Variants in ASAP2 observed in about 807,000 individuals in gnomAD.
ASAP2 encodes the protein ArfGAP with SH3 domain, ankyrin repeat and PH domain 2, also known as arf-GAP with SH3 domain, ANK repeat and PH domain-containing protein 2.
A neutral mutation model predicts 131.4 loss-of-function variants in ASAP2; 45 were observed. The observed-to-expected ratio is 0.34, with a 90% confidence interval of 0.27 to 0.44. The LOEUF is 0.44. Among genes scored for constraint, ASAP2 ranks in the 20% least tolerant of loss-of-function variants. The pLI, the probability that ASAP2 is intolerant of heterozygous loss-of-function variation, is 1.00. For missense variants in ASAP2, 1,011 were observed against 1,297.0 expected, an observed-to-expected ratio of 0.78 and a Z score of 3.39; for synonymous variants, 510 against 503.0, an observed-to-expected ratio of 1.01 and a Z score of -0.19.
chr2:9,209,719 G>A (rs955160477), intron 1 of ASAP2, among the ~76,000 whole-genome samples: 1 of 152,184 alleles, frequency 6.6e-6, no homozygotes, highest in African/African-American at 2.4e-5. Flanking sequence ...ACAGGCATGC[G>A]CCACCATGCA....
chr2:9,382,635 A>G (rs1040395083), intron 20 of ASAP2, among the ~76,000 whole-genome samples: 49 of 152,340 alleles, frequency 3.2e-4, no homozygotes, highest in African/African-American at 1.2e-3. Context: ...GCTTTCTCCC[A>G]TATGGAGTAT....
chr2:9,334,723 T>C lies in ASAP2; in HGVS notation c.687-15T>C. 2.5e-6 allele frequency: 4 copies of C among 1,609,260 alleles called. No individual in the cohort carries two copies. Among genetic ancestry groups the C allele is most frequent in the Non-Finnish European group, 3.4e-6 (4 of 1,177,444 alleles). On this transcript the variant is annotated splice_polypyrimidine_tract_variant and intron_variant, in intron 7 of 27. Coordinates refer to ENST00000281419, the MANE Select transcript of ASAP2 (RefSeq NM_003887.3). ...TTTGTGAAATGTCATCTCTGTTTCTTCTTTTTCCTGCTAGTTTTTTTCAGG... is the reference window on the plus strand; with the variant it reads ...TTTGTGAAATGTCATCTCTGTTTCTCCTTTTTCCTGCTAGTTTTTTTCAGG...
At position 9,387,075 on chromosome 2, in the gene ASAP2, G is replaced by C. The variant is rs561946628; in HGVS notation, c.2131-1219G>C. 1.3e-4 allele frequency among the ~76,000 whole-genome samples: 13 copies of C among 99,736 alleles called. No individual in the cohort carries two copies. The South Asian group carries it at 2.8e-3, about 21-fold the overall frequency. The allele number at this position is 99,736 out of a possible 152,430, so 65.4% of individuals were successfully genotyped here. ...AAAAAAATTAGCCGGGCTTGGTGGT[G>C]GGTGGGGGGGCGCCTGTAGTCCCAG... On this transcript the variant is annotated intron_variant, in intron 21 of 27. Transcript: ENST00000281419.
intron 14 of ASAP2, 64 bp from the exon 15 acceptor site, chr2:9,358,692 A>G: frequency 6.4e-7 from 1 of 1,559,440 alleles, no homozygotes; most frequent in East Asian, 2.3e-5. Context: ...ATGCAGGAAG[A>G]AAGATGTGAC....
chr2:9,401,463 A>T (rs1676663004), intron 27 of ASAP2, 67 bp downstream of exon 27: 5 of 1,571,864 alleles, frequency 3.2e-6, no homozygotes, highest in Non-Finnish European at 4.3e-6. Context: ...CTGGCTGGAG[A>T]GACGGGCTTG....
At chr2:9,367,603 A>G (rs558703337) in intron 15 of ASAP2, among the ~76,000 whole-genome samples, 2 of 152,072 alleles carry the variant, frequency 1.3e-5, no homozygotes, top group South Asian at 4.2e-4. Flanking sequence ...TCTACAAACA[A>G]TACAAAAATC....
chr2:9,246,263 T>C (rs1664334904), intron 1 of ASAP2, among the ~76,000 whole-genome samples: 2 of 152,234 alleles, frequency 1.3e-5, no homozygotes. Context: ...AACCACTTAT[T>C]ACACTGAGCA....
chr2:9,341,849 G>A (rs1481471970), intron 9 of ASAP2, among the ~76,000 whole-genome samples: 1 of 152,170 alleles, frequency 6.6e-6, no homozygotes, highest in Non-Finnish European at 1.5e-5. Flanking sequence ...GTGTGCCCTA[G>A]TTTATCCAGA....
At chr2:9,209,005 T>A (rs774474700) in intron 1 of ASAP2, among the ~76,000 whole-genome samples, 93 of 152,322 alleles carry the variant, frequency 6.1e-4, no homozygotes, top group Non-Finnish European at 1.2e-3. Context: ...GGCATACCTT[T>A]CTCTGATTAA....
rs537841249 is a variant in ASAP2 at position 9,212,887 on chromosome 2, G to A, written c.126+5657G>A. Among the ~76,000 whole-genome samples the A allele has an allele frequency of 1.1e-3, 160 of 152,312 alleles. 1 individual carries two copies. Among genetic ancestry groups the A allele is most frequent in the South Asian group, 6.2e-3 (30 of 4,824 alleles). On this transcript the variant is annotated intron_variant, in intron 1 of 27. Coordinates refer to ENST00000281419, the MANE Select transcript of ASAP2 (RefSeq NM_003887.3). ...ACACCACAGGCACGTGAGAGCTTGC[G>A]AAGCACTGTTCGAGACGGAACCCCG... is the stretch of plus-strand genomic sequence containing the variant.
At position 9,356,050 on chromosome 2, in the gene ASAP2, A is replaced by G; in HGVS notation, c.1115A>G (p.Asp372Gly). 6.2e-7 allele frequency: 1 copy of G among 1,614,198 alleles called. No homozygotes were observed. The highest frequency in any genetic ancestry group is 8.5e-7 in the Non-Finnish European group (1 of 1,180,038). ...EKKCFDLISH[D>G]RTYHFQAEDE... ...TGAAATTCCTCTTGCTATGCAGATG[A>G]CAGAACTTACCACTTTCAAGCTGAA... The change falls in exon 13 of 28, where the codon GAC becomes GGC. Residue 372 changes from aspartate to glycine, a missense_variant. Coordinates refer to ENST00000281419, the MANE Select transcript of ASAP2 (RefSeq NM_003887.3).
At chr2:9,270,048 C>T (rs960698037) in intron 1 of ASAP2, among the ~76,000 whole-genome samples, 1 of 152,208 alleles carries the variant, frequency 6.6e-6, no homozygotes, top group Non-Finnish European at 1.5e-5. Context: ...AGTAGTTTTC[C>T]TCAGAAATAT....
chr2:9,373,404 C>A (rs1056242009), intron 16 of ASAP2, among the ~76,000 whole-genome samples: 1 of 152,244 alleles, frequency 6.6e-6, no homozygotes, highest in African/African-American at 2.4e-5. Context: ...TGAGGCCTGG[C>A]AGACGCTGGC....
intron 1 of ASAP2, among the ~76,000 whole-genome samples, chr2:9,210,998 A>G (rs867024573): frequency 1.3e-5 from 2 of 152,048 alleles, no homozygotes; most frequent in South Asian, 4.1e-4. Context: ...TCTACTAAAA[A>G]TACAAAATTA....
intron 3 of ASAP2, among the ~76,000 whole-genome samples, chr2:9,301,391 C>A (rs1668462253): frequency 6.6e-6 from 1 of 152,156 alleles, no homozygotes. Flanking sequence ...AAAGGGAAAA[C>A]CAGACGGCTC....
At chr2:9,349,033 C>T (rs928429856) in intron 11 of ASAP2, among the ~76,000 whole-genome samples, 12 of 152,252 alleles carry the variant, frequency 7.9e-5, no homozygotes, top group East Asian at 1.9e-4. Flanking sequence ...TTGGTCTGTC[C>T]GGGCCAGTGT....
chr2:9,310,991 C>T (rs1669256267), intron 3 of ASAP2, among the ~76,000 whole-genome samples: 1 of 152,082 alleles, frequency 6.6e-6, no homozygotes, highest in African/African-American at 2.4e-5. Context: ...CTTGTGAGAT[C>T]ACAGACCTTT....
chr2:9,242,904 A>G (rs1382973566), intron 1 of ASAP2, among the ~76,000 whole-genome samples: 3 of 152,116 alleles, frequency 2.0e-5, no homozygotes, highest in African/African-American at 7.2e-5. Flanking sequence ...TCCTGCTTTG[A>G]TATAACTGAG....
intron 16 of ASAP2, among the ~76,000 whole-genome samples, chr2:9,372,095 A>C (rs1674019160): frequency 6.6e-6 from 1 of 152,122 alleles, no homozygotes; most frequent in South Asian, 2.1e-4. Context: ...AAAACAAGTA[A>C]AGGAAGTCCA....
Sources: allele counts gnomAD v4.1 joint callset (sites outside exome capture counted in the v4.1 genomes callset), GRCh38; gene constraint gnomAD v4.1.1; transcripts MANE v1.5; gene names NCBI Gene and HGNC (gene_info 2026-07-23, HGNC 2026-07-21).